Variants in GLP2R observed in about 807,000 individuals in gnomAD.
GLP2R encodes glucagon-like peptide 2 receptor.
GLP2R carries 59 observed loss-of-function variants against 68.2 expected under a neutral mutation model. That is an observed-to-expected ratio of 0.87 (90% CI 0.70 to 1.07). GLP2R has a LOEUF of 1.07. GLP2R is among the 50% of genes least tolerant of loss of function. The pLI, the probability that GLP2R is intolerant of heterozygous loss-of-function variation, is 0.00. For missense variants in GLP2R, 548 were observed against 677.4 expected, an observed-to-expected ratio of 0.81 and a Z score of 2.12; for synonymous variants, 270 against 265.4, an observed-to-expected ratio of 1.02 and a Z score of -0.17.
At chr17:9,881,329 A>ATAGGACAGTT (rs543558538) in intron 11 of GLP2R, among the ~76,000 whole-genome samples, 100 of 148,244 alleles carry the variant, frequency 6.7e-4, no homozygotes, top group African/African-American at 2.4e-3. Flanking sequence ...TCTCCACAGG[A>ATAGGACAGTT]TAGGGCAGTT....
intron 9 of GLP2R, among the ~76,000 whole-genome samples, chr17:9,863,238 G>A (rs1033752968): frequency 2.6e-5 from 4 of 152,190 alleles, no homozygotes; most frequent in Non-Finnish European, 4.4e-5. Context: ...CTGGGGTCCT[G>A]TCTGGACAAT....
chr17:9,871,641 ATTG>A (rs2067093764), intron 10 of GLP2R, among the ~76,000 whole-genome samples: 1 of 151,528 alleles, frequency 6.6e-6, no homozygotes. Context: ...TTAGATCTGC[ATTG>A]TTGTAAAAGC....
At chr17:9,828,156 C>T (rs2066649446) in intron 1 of GLP2R, among the ~76,000 whole-genome samples, 1 of 152,096 alleles carries the variant, frequency 6.6e-6, no homozygotes, top group Non-Finnish European at 1.5e-5. Flanking sequence ...ATAACCCCTG[C>T]CAGATTTCCT....
At chr17:9,883,425 A>G (rs1324529891) in intron 11 of GLP2R, among the ~76,000 whole-genome samples, 1 of 152,224 alleles carries the variant, frequency 6.6e-6, no homozygotes, top group African/African-American at 2.4e-5. Context: ...AAAGATAGAA[A>G]TGGTAGAATA....
chr17:9,829,934 C>A (rs778115698), intron 1 of GLP2R, among the ~76,000 whole-genome samples: 1 of 152,192 alleles, frequency 6.6e-6, no homozygotes, highest in Non-Finnish European at 1.5e-5. Context: ...AATCCCTTCT[C>A]GGCCAAGTTC....
chr17:9,878,057 G>A (rs951260363), intron 10 of GLP2R, among the ~76,000 whole-genome samples: 1 of 152,160 alleles, frequency 6.6e-6, no homozygotes, highest in Non-Finnish European at 1.5e-5. Context: ...TCTGCTTGTA[G>A]GCATATAAGT....
At chr17:9,851,857 C>G (rs185669582) in intron 4 of GLP2R, among the ~76,000 whole-genome samples, 38 of 151,096 alleles carry the variant, frequency 2.5e-4, no homozygotes, top group Non-Finnish European at 5.0e-4. Context: ...AAATCAAAAA[C>G]AGTAAGTTGC....
chr17:9,826,496 T>C (rs568545699), intron 1 of GLP2R, among the ~76,000 whole-genome samples: 1 of 152,260 alleles, frequency 6.6e-6, no homozygotes, highest in East Asian at 1.9e-4. Context: ...ATAAAACATG[T>C]TGTGTCCTGG....
chr17:9,852,259 C>G (rs2066898713), intron 4 of GLP2R, among the ~76,000 whole-genome samples: 1 of 151,956 alleles, frequency 6.6e-6, no homozygotes, highest in South Asian at 2.1e-4. Context: ...GTGTGATGTT[C>G]CCCTCTCTGT....
intron 10 of GLP2R, 152 bp from the exon 11 acceptor site, chr17:9,880,226 C>A: frequency 1.7e-6 from 1 of 605,974 alleles, no homozygotes; most frequent in Non-Finnish European, 3.0e-6. Context: ...CCACAATGGC[C>A]CTGAAGCGTT....
chr17:9,883,971 A>G (rs547500671), intron 11 of GLP2R, among the ~76,000 whole-genome samples: 1 of 152,338 alleles, frequency 6.6e-6, no homozygotes, highest in South Asian at 2.1e-4. Flanking sequence ...GGCTATGTGT[A>G]GGTTTTTTTT....
intron 4 of GLP2R, among the ~76,000 whole-genome samples, chr17:9,852,246 C>T (rs991080781): frequency 2.8e-4 from 42 of 151,914 alleles, no homozygotes; most frequent in South Asian, 4.2e-4. Flanking sequence ...GACAGGCCCC[C>T]GTGTGTGATG....
intron 10 of GLP2R, among the ~76,000 whole-genome samples, chr17:9,873,556 C>CT (rs3073988): frequency 0.62 from 31,757 of 51,584 alleles, 11,442 homozygotes; most frequent in South Asian, 0.71. Context: ...TATGCATGGA[C>CT]TTTTTTTTTT....
At chr17:9,870,979 G>A (rs777189048) in intron 10 of GLP2R, 144 bp downstream of exon 10, 3 of 595,646 alleles carry the variant, frequency 5.0e-6, no homozygotes, top group South Asian at 2.1e-5. Flanking sequence ...ATAGGATCAA[G>A]TGAGGCTTTT....
At position 9,885,480 on chromosome 17, in the gene GLP2R, C is replaced by T. The variant is rs560981782; in HGVS notation, c.1285-2452C>T. Among the ~76,000 whole-genome samples the T allele has an allele frequency of 4.6e-5, 7 of 152,134 alleles. No individual in the cohort carries two copies. The South Asian group carries it at 1.5e-3, about 32-fold the overall frequency. The stretch of plus-strand genomic sequence containing the variant: ...TGAAGGCCCAATTGGAGTGGCACAT[C>T]CAAGATGGTTCATTCACATAACTAG... On this transcript the variant is annotated intron_variant, in intron 11 of 12. Coordinates refer to ENST00000262441, the MANE Select transcript of GLP2R (RefSeq NM_004246.3).
intron 10 of GLP2R, among the ~76,000 whole-genome samples, chr17:9,874,513 A>C (rs765087082): frequency 1.3e-5 from 2 of 151,930 alleles, no homozygotes; most frequent in African/African-American, 2.4e-5. Flanking sequence ...ATAATAATAA[A>C]AGAGGTACCT....
Position 9,861,045 on chromosome 17 carries a change from TAA to T in GLP2R, c.926-93_926-92del. 3 of 850,312 alleles carry T rather than the reference TAA, an allele frequency of 3.5e-6. No individual in the cohort carries two copies. In the South Asian group the frequency reaches 4.1e-5, roughly 12 times the overall value. 52.7% of individuals were successfully genotyped at this position (850,312 alleles called of 1,614,324 possible). On this transcript the variant is annotated intron_variant, in intron 7 of 12. Coordinates refer to ENST00000262441, the MANE Select transcript of GLP2R (RefSeq NM_004246.3). ...CTCCATGATGTTAGGTTTGATGTTG[TAA>T]CCACCTGTGGTTAGCCTCATCCGCT...
intron 10 of GLP2R, among the ~76,000 whole-genome samples, chr17:9,873,912 C>A (rs2067120907): frequency 6.6e-6 from 1 of 152,164 alleles, no homozygotes; most frequent in South Asian, 2.1e-4. Context: ...AAATGTCATG[C>A]AGCCTCAATG....
At chr17:9,863,257 C>T (rs117246051) in intron 9 of GLP2R, among the ~76,000 whole-genome samples, 2,046 of 152,314 alleles carry the variant, frequency 0.013, 23 homozygotes, top group Non-Finnish European at 0.019. Flanking sequence ...ATTCCACCAA[C>T]GTCCCAGAAA....
Sources: allele counts gnomAD v4.1 joint callset (sites outside exome capture counted in the v4.1 genomes callset), GRCh38; gene constraint gnomAD v4.1.1; transcripts MANE v1.5; gene names NCBI Gene and HGNC (gene_info 2026-07-23, HGNC 2026-07-21).